NRXN1: variants seen among roughly 807,000 people sequenced by gnomAD.
NRXN1 encodes the protein neurexin 1, also known as neurexin-1.
A neutral mutation model predicts 150.9 loss-of-function variants in NRXN1; 39 were observed. That is an observed-to-expected ratio of 0.26 (90% confidence interval 0.20 to 0.34). The LOEUF (loss-of-function observed/expected upper bound fraction) is 0.34, where lower values mean the gene tolerates loss of function less well. NRXN1 is among the 10% of genes least tolerant of loss of function. The pLI is 1.00. For synonymous variants in NRXN1, 924 were observed against 757.0 expected (o/e 1.22, Z -3.62); for missense variants, 1,815 against 1,949.9 (o/e 0.93, Z 1.30).
intron 5 of NRXN1, among the ~76,000 whole-genome samples, chr2:50,901,712 G>C (rs1682980931): frequency 6.6e-6 from 1 of 151,902 alleles, no homozygotes; most frequent in Non-Finnish European, 1.5e-5. Flanking sequence ...GTGACACTAA[G>C]AAAAAAATGT....
intron 8 of NRXN1, among the ~76,000 whole-genome samples, chr2:50,574,719 T>A (rs547045982): frequency 6.6e-6 from 1 of 152,214 alleles, no homozygotes; most frequent in Non-Finnish European, 1.5e-5. Context: ...CTGTCAGGAT[T>A]TGCATTGACA....
At chr2:50,366,636 T>A (rs538327806) in intron 17 of NRXN1, among the ~76,000 whole-genome samples, 1 of 151,990 alleles carries the variant, frequency 6.6e-6, no homozygotes, top group Non-Finnish European at 1.5e-5. Flanking sequence ...TGAATTTACA[T>A]AATTAGGACA....
intron 17 of NRXN1, among the ~76,000 whole-genome samples, chr2:50,260,402 C>G (rs1447301361): frequency 6.6e-6 from 1 of 151,758 alleles, no homozygotes; most frequent in Non-Finnish European, 1.5e-5. Flanking sequence ...ACAACTTGCA[C>G]AAACATCCAT....
At chr2:49,947,155 GCTA>G (rs1195504979) in intron 21 of NRXN1, among the ~76,000 whole-genome samples, 2 of 152,044 alleles carry the variant, frequency 1.3e-5, no homozygotes, top group African/African-American at 4.8e-5. Flanking sequence ...CTAGCGGAAA[GCTA>G]CTTTTATTCT....
intron 4 of NRXN1, chr2:50,922,401 A>C (rs1402355854): frequency 1.9e-5 from 11 of 580,364 alleles, no homozygotes; most frequent in Admixed American, 1.5e-4. Context: ...TTTCAATCAC[A>C]ATTTCTTATG....
chr2:50,832,097 A>G (rs958641405), intron 5 of NRXN1, among the ~76,000 whole-genome samples: 9 of 152,218 alleles, frequency 5.9e-5, no homozygotes, highest in Admixed American at 2.6e-4. Flanking sequence ...ATGCATACGT[A>G]CTAGAATCGA....
chr2:49,927,651 C>T (rs1024414498), intron 22 of NRXN1, among the ~76,000 whole-genome samples: 2 of 152,144 alleles, frequency 1.3e-5, no homozygotes, highest in African/African-American at 4.8e-5. Flanking sequence ...GAAAACTGCT[C>T]TTGATCTATG....
intron 5 of NRXN1, chr2:50,917,886 T>C (rs1483796812): frequency 5.9e-5 from 9 of 151,694 alleles, no homozygotes; most frequent in African/African-American, 2.2e-4. Context: ...CCAAATGCTT[T>C]ATTCTTTTCT....
intron 18 of NRXN1, among the ~76,000 whole-genome samples, 192 bp from the exon 19 acceptor site, chr2:50,091,686 T>C (rs557933852): frequency 6.6e-6 from 1 of 152,246 alleles, no homozygotes; most frequent in East Asian, 1.9e-4. Flanking sequence ...ATCTCTTTCA[T>C]GGATAATTGA....
chr2:50,455,285 G>GAT (rs1413894848), intron 17 of NRXN1, among the ~76,000 whole-genome samples: 2 of 152,170 alleles, frequency 1.3e-5, no homozygotes, highest in Non-Finnish European at 2.9e-5. Context: ...ATAAATGAGA[G>GAT]ATAATACTGA....
At chr2:50,264,201 C>T (rs2068605912) in intron 17 of NRXN1, among the ~76,000 whole-genome samples, 1 of 151,798 alleles carries the variant, frequency 6.6e-6, no homozygotes, top group Non-Finnish European at 1.5e-5. Flanking sequence ...TATATATTTT[C>T]CTTAAAGAAA....
chr2:50,902,147 G>T (rs6741326), intron 5 of NRXN1, among the ~76,000 whole-genome samples: 1 of 152,058 alleles, frequency 6.6e-6, no homozygotes, highest in Non-Finnish European at 1.5e-5. Flanking sequence ...ATTAGATGAT[G>T]AGGAGTCTGA....
At chr2:50,384,068 G>A (rs1353009512) in intron 17 of NRXN1, among the ~76,000 whole-genome samples, 2 of 152,146 alleles carry the variant, frequency 1.3e-5, no homozygotes, top group Non-Finnish European at 2.9e-5. Flanking sequence ...TGAAGTGGTA[G>A]GTCAGCATTA....
intron 5 of NRXN1, among the ~76,000 whole-genome samples, chr2:50,795,590 C>T (rs1358207441): frequency 3.3e-5 from 5 of 151,668 alleles, no homozygotes; most frequent in Non-Finnish European, 7.4e-5. Flanking sequence ...CAATTCCCTC[C>T]CTCCCATATA....
chr2:50,622,005 C>T (rs762565529), intron 6 of NRXN1, among the ~76,000 whole-genome samples: 4 of 152,122 alleles, frequency 2.6e-5, no homozygotes, highest in Non-Finnish European at 5.9e-5. Context: ...TCCTTCTGTG[C>T]TTCTCTCAAA....
At chr2:50,574,987 A>G (rs1671185763) in intron 8 of NRXN1, among the ~76,000 whole-genome samples, 1 of 152,192 alleles carries the variant, frequency 6.6e-6, no homozygotes, top group Admixed American at 6.5e-5. Flanking sequence ...CTCAGAGCAT[A>G]CTCACTGGGA....
rs1416706613 is a variant in NRXN1, at chr2:50,101,032, A to G, written c.3547-9538T>C. On this transcript the variant is annotated intron_variant, in intron 18 of 22. Coordinates refer to ENST00000401669, the MANE Select transcript of NRXN1 (RefSeq NM_001330078.2). Reference sequence around the variant, plus strand: ...TGCTGTATGAAAATCTCAGCGTCACACTGAATTAAGTTAAGCCTTTTCCAA... The same window carrying G: ...TGCTGTATGAAAATCTCAGCGTCACGCTGAATTAAGTTAAGCCTTTTCCAA... Among the ~76,000 whole-genome samples, 4 of 152,222 alleles carry G rather than the reference A, an allele frequency of 2.6e-5. No homozygotes were observed. The East Asian group carries it at 7.7e-4, about 29-fold the overall frequency.
intron 22 of NRXN1, among the ~76,000 whole-genome samples, chr2:49,926,919 T>G (rs1004878250): frequency 6.6e-6 from 1 of 152,168 alleles, no homozygotes; most frequent in Non-Finnish European, 1.5e-5. Flanking sequence ...ACCAGCTTCT[T>G]GCACCCTCTG....
At chr2:50,560,212 T>C (rs1043337573) in intron 8 of NRXN1, among the ~76,000 whole-genome samples, 1 of 152,174 alleles carries the variant, frequency 6.6e-6, no homozygotes, top group Non-Finnish European at 1.5e-5. Flanking sequence ...CAAACACTGT[T>C]GAGCTTAACT....
Sources: allele counts gnomAD v4.1 joint callset (sites outside exome capture counted in the v4.1 genomes callset), GRCh38; gene constraint gnomAD v4.1.1; transcripts MANE v1.5; gene names NCBI Gene and HGNC (gene_info 2026-07-23, HGNC 2026-07-21).